Variants in RSPRY1 observed in about 807,000 individuals in gnomAD.
RSPRY1 encodes the protein ring finger and SPRY domain containing 1, also known as RING finger and SPRY domain-containing protein 1.
RSPRY1 carries 23 observed loss-of-function variants against 73.1 expected under a neutral mutation model. That is an observed-to-expected ratio of 0.31 (90% CI 0.23 to 0.45). RSPRY1 has a LOEUF of 0.45. Among genes scored for constraint, RSPRY1 ranks in the 20% least tolerant of loss-of-function variants. RSPRY1 has a pLI of 1.00. For missense variants in RSPRY1, 448 were observed against 698.7 expected (o/e 0.64, Z 4.05); for synonymous variants, 226 against 251.4 (o/e 0.90, Z 0.95).
chr16:57,202,170 T>A (rs971026637), intron 1 of RSPRY1, among the ~76,000 whole-genome samples: 71 of 134,088 alleles, frequency 5.3e-4, no homozygotes, highest in Admixed American at 2.5e-3. Flanking sequence ...AAATAAAAAA[T>A]AAAAAATCTT....
At chr16:57,204,446 G>A (rs2074685482) in intron 1 of RSPRY1, 58 bp from the exon 2 acceptor site, 1 of 509,832 alleles carries the variant, frequency 2.0e-6, no homozygotes, top group Non-Finnish European at 3.5e-6. Context: ...AGGAAAATTT[G>A]AGTAATTAAG....
At chr16:57,207,323 C>CTT (rs1381460314) in intron 2 of RSPRY1, among the ~76,000 whole-genome samples, 1 of 144,654 alleles carries the variant, frequency 6.9e-6, no homozygotes, top group African/African-American at 2.5e-5. Flanking sequence ...GTTTTTGGGG[C>CTT]TTTTTTTTTT....
chr16:57,204,886 A>G lies in RSPRY1; in HGVS notation c.228A>G (p.Gln76=), dbSNP rs1192515706. 1.5e-5 allele frequency: 24 copies of G among 1,614,120 alleles called. No homozygotes were observed. The highest frequency in any genetic ancestry group is 1.9e-5 in the Non-Finnish European group (22 of 1,180,050). ...SAVPTADTRS[Q]PRDPVRPPRR... ...TACCCACTGCTGACACAAGGAGCCA[A>G]CCACGGGACCCTGTTCGGCCACCAA... is the stretch of plus-strand genomic sequence containing the variant. The change falls in exon 2 of 15, where the codon CAA becomes CAG. Residue 76 remains glutamine, a synonymous_variant. Coordinates refer to ENST00000394420, the MANE Select transcript of RSPRY1 (RefSeq NM_133368.3).
intron 10 of RSPRY1, among the ~76,000 whole-genome samples, chr16:57,222,841 A>G (rs571485652): frequency 1.3e-5 from 2 of 152,344 alleles, no homozygotes; most frequent in Middle Eastern, 3.4e-3. Context: ...ATTTGGCAGC[A>G]AACACACTAC....
chr16:57,223,001 TA>T (rs2075063941), intron 10 of RSPRY1, among the ~76,000 whole-genome samples: 1 of 152,200 alleles, frequency 6.6e-6, no homozygotes, highest in African/African-American at 2.4e-5. Flanking sequence ...ACTGTTTTTT[TA>T]TCCTCCAGAT....
At chr16:57,192,709 T>C (rs985044034) in intron 1 of RSPRY1, among the ~76,000 whole-genome samples, 37 of 117,130 alleles carry the variant, frequency 3.2e-4, no homozygotes, top group African/African-American at 1.2e-3. Flanking sequence ...CCAGAGACTC[T>C]TTTTTTTTTT....
At chr16:57,187,588 A>C (rs2074257492) in intron 1 of RSPRY1, among the ~76,000 whole-genome samples, 1 of 152,228 alleles carries the variant, frequency 6.6e-6, no homozygotes, top group African/African-American at 2.4e-5. Flanking sequence ...AGCTGCGTGA[A>C]CGTAAGTTAG....
In RSPRY1 at chr16:57,217,046, GT is replaced by G; in HGVS notation, c.901+13del. 6.2e-7 allele frequency: 1 copy of G among 1,613,950 alleles called. No individual in the cohort carries two copies. Among genetic ancestry groups the G allele is most frequent in the South Asian group, 1.1e-5 (1 of 91,076 alleles). On this transcript the variant is annotated intron_variant, in intron 8 of 14. Transcript: ENST00000394420. ...GCTTAGACAATCTCTGTAAGTGGGA[GT>G]TGTCCTTTATTAAAATGTCCGTTTC...
intron 10 of RSPRY1, among the ~76,000 whole-genome samples, chr16:57,225,210 G>A (rs777195594): frequency 6.6e-6 from 1 of 152,170 alleles, no homozygotes; most frequent in African/African-American, 2.4e-5. Flanking sequence ...ATAGGTGTGC[G>A]CCACCACACC....
intron 14 of RSPRY1, 78 bp downstream of exon 14, chr16:57,235,306 G>A (rs2075284542): frequency 9.6e-7 from 1 of 1,043,704 alleles, no homozygotes; most frequent in Non-Finnish European, 1.5e-6. Context: ...AGGGTTTATT[G>A]TATCTAAAGC....
chr16:57,209,008 C>A, intron 3 of RSPRY1, 67 bp from the exon 4 acceptor site: 1 of 1,062,528 alleles, frequency 9.4e-7, no homozygotes, highest in Non-Finnish European at 1.4e-6. Flanking sequence ...GAATTGATCT[C>A]GTGTGACATA....
intron 8 of RSPRY1, chr16:57,220,420 A>G (rs1421632252): frequency 2.3e-5 from 4 of 174,658 alleles, no homozygotes; most frequent in Admixed American, 5.8e-5. Flanking sequence ...TGTAAATACA[A>G]TTACTTTCTT....
chr16:57,218,040 G>A (rs1338805577), intron 8 of RSPRY1, among the ~76,000 whole-genome samples: 7 of 152,184 alleles, frequency 4.6e-5, no homozygotes, highest in African/African-American at 1.4e-4. Context: ...GAAACCTCTG[G>A]CTATGTCTCC....
chr16:57,237,029 G>A (rs987396619), intron 14 of RSPRY1, among the ~76,000 whole-genome samples: 35 of 152,180 alleles, frequency 2.3e-4, no homozygotes, highest in Middle Eastern at 6.8e-3. Flanking sequence ...TTACCCGGGC[G>A]TGGTGGTGGG....
rs201524384 is a variant in RSPRY1 at position 57,207,890 on chromosome 16, A to AC, written c.351-167dup. ...GACTGGAAATGAGCACATATGGTAT[A>AC]CATTCATCCTTACAGGTCATAGCTC... is the stretch of plus-strand genomic sequence containing the variant. On this transcript the variant is annotated intron_variant, in intron 2 of 14. Transcript: ENST00000394420. 0.035 allele frequency among the ~76,000 whole-genome samples: 5,328 copies of AC among 152,242 alleles called. 101 individuals carry two copies. The highest frequency in any genetic ancestry group is 0.1 in the Middle Eastern group (30 of 294).
intron 8 of RSPRY1, among the ~76,000 whole-genome samples, chr16:57,219,313 C>T (rs1341263346): frequency 6.6e-6 from 1 of 152,200 alleles, no homozygotes; most frequent in Non-Finnish European, 1.5e-5. Context: ...CATATCCTCA[C>T]CAGCATTCAT....
At chr16:57,199,428 G>C (rs1307501658) in intron 1 of RSPRY1, among the ~76,000 whole-genome samples, 1 of 152,138 alleles carries the variant, frequency 6.6e-6, no homozygotes, top group Non-Finnish European at 1.5e-5. Flanking sequence ...GGAGGCAGAG[G>C]TTGCAGTGAG....
intron 1 of RSPRY1, among the ~76,000 whole-genome samples, chr16:57,188,619 C>T (rs1187187943): frequency 1.3e-5 from 2 of 152,068 alleles, no homozygotes; most frequent in African/African-American, 2.4e-5. Flanking sequence ...TGGGTTCAAG[C>T]GATTCTCCTG....
chr16:57,216,457 C>T, intron 7 of RSPRY1: 1 of 398,690 alleles, frequency 2.5e-6, no homozygotes, highest in Non-Finnish European at 4.5e-6. Context: ...GTGGCTCTTG[C>T]CCATAATCCC....
Sources: gnomAD v4.1 joint callset for allele counts (sites outside exome capture counted in the v4.1 genomes callset) on GRCh38, gnomAD v4.1.1 for gene constraint, MANE v1.5 for transcripts, NCBI Gene and HGNC (gene_info 2026-07-23, HGNC 2026-07-21) for gene names.